PTPN1: variants seen among roughly 807,000 people sequenced by gnomAD.
The protein encoded by PTPN1 is protein tyrosine phosphatase non-receptor type 1, also known as tyrosine-protein phosphatase non-receptor type 1.
A neutral mutation model predicts 59.9 loss-of-function variants in PTPN1; 12 were observed. The ratio of observed to expected loss-of-function variants is 0.20; its 90% CI spans 0.13 to 0.32. PTPN1 has a LOEUF of 0.32. PTPN1 is among the 10% of genes least tolerant of loss of function. PTPN1 has a pLI of 1.00. For synonymous variants in PTPN1, 178 were observed against 203.6 expected (o/e 0.87, Z 1.07); for missense variants, 356 against 549.2 (o/e 0.65, Z 3.52).
In PTPN1 at chr20:50,583,265, G is replaced by A. The variant is rs1174221274; in HGVS notation, c.*550G>A. 1 of 155,106 alleles carries A rather than the reference G, an allele frequency of 6.4e-6. No homozygotes were observed. Among genetic ancestry groups the A allele is most frequent in the African/African-American group, 2.4e-5 (1 of 41,520 alleles). The allele number at this position is 155,106 out of a possible 1,614,324, so 9.6% of individuals were successfully genotyped here. ...CCTCAGGTAGTACTGGGAATGGAAGGCTTTGCCATGGGCCTGCTGCGTCAG... is the reference window on the plus strand; with the variant it reads ...CCTCAGGTAGTACTGGGAATGGAAGACTTTGCCATGGGCCTGCTGCGTCAG... On this transcript the variant is annotated 3_prime_UTR_variant, in exon 10 of 10. Coordinates refer to ENST00000371621, the MANE Select transcript of PTPN1 (RefSeq NM_002827.4).
chr20:50,578,026 TC>T (rs2082845691), intron 5 of PTPN1: 1 of 168,784 alleles, frequency 5.9e-6, no homozygotes, highest in South Asian at 1.5e-4. Context: ...CACCTGCTGT[TC>T]CTTGTTCACT....
At chr20:50,530,650 G>C (rs1013203141) in intron 1 of PTPN1, among the ~76,000 whole-genome samples, 1 of 150,296 alleles carries the variant, frequency 6.7e-6, no homozygotes, top group Non-Finnish European at 1.5e-5. Flanking sequence ...GGGATTACAA[G>C]TGCTGGGATT....
intron 1 of PTPN1, among the ~76,000 whole-genome samples, chr20:50,544,251 A>C (rs1236469628): frequency 6.6e-6 from 1 of 152,140 alleles, no homozygotes; most frequent in Non-Finnish European, 1.5e-5. Context: ...CTGGGCCTCA[A>C]GGGATCCTCC....
At position 50,585,069 on chromosome 20, in the gene PTPN1, G is replaced by A. The variant is rs2122816927; in HGVS notation, c.*2354G>A. Reference sequence around the variant, plus strand: ...TTACCAGTGTTGTTTGAAGAACAGTGTTTTGAGTTGTAATCTCAAAACCAT... The same window carrying A: ...TTACCAGTGTTGTTTGAAGAACAGTATTTTGAGTTGTAATCTCAAAACCAT... On this transcript the variant is annotated 3_prime_UTR_variant, in exon 10 of 10. Transcript: ENST00000371621. The A allele has an allele frequency of 6.6e-6, 1 of 152,254 alleles. No homozygotes were observed. The highest frequency in any genetic ancestry group is 1.9e-4 in the East Asian group (1 of 5,176). 9.4% of individuals were successfully genotyped at this position (152,254 alleles called of 1,614,324 possible).
At chr20:50,512,801 G>A (rs2082513114) in intron 1 of PTPN1, among the ~76,000 whole-genome samples, 1 of 152,172 alleles carries the variant, frequency 6.6e-6, no homozygotes, top group African/African-American at 2.4e-5. Context: ...TCCAAGGTGT[G>A]TATCGCTTTA....
At chr20:50,550,526 G>A (rs1315537231) in intron 1 of PTPN1, among the ~76,000 whole-genome samples, 1 of 152,218 alleles carries the variant, frequency 6.6e-6, no homozygotes, top group African/African-American at 2.4e-5. Flanking sequence ...TGTGATTTCA[G>A]TAATTTCCAT....
At chr20:50,559,404 G>A (rs1241065318) in intron 1 of PTPN1, among the ~76,000 whole-genome samples, 1 of 152,150 alleles carries the variant, frequency 6.6e-6, no homozygotes, top group Non-Finnish European at 1.5e-5. Flanking sequence ...CAGTGTTCTT[G>A]CAAAGTCTGA....
chr20:50,559,017 T>TA (rs1030854983), intron 1 of PTPN1, among the ~76,000 whole-genome samples: 10 of 150,942 alleles, frequency 6.6e-5, no homozygotes, highest in African/African-American at 2.4e-4. Flanking sequence ...ATTGAGACCT[T>TA]ACACGTCAGG....
At chr20:50,548,326 T>C (rs1390091575) in intron 1 of PTPN1, among the ~76,000 whole-genome samples, 1 of 152,232 alleles carries the variant, frequency 6.6e-6, no homozygotes, top group Non-Finnish European at 1.5e-5. Flanking sequence ...CACATCTCCT[T>C]GTTCTGGTTT....
At chr20:50,537,632 G>A (rs924769756) in intron 1 of PTPN1, among the ~76,000 whole-genome samples, 2 of 152,064 alleles carry the variant, frequency 1.3e-5, no homozygotes, top group African/African-American at 2.4e-5. Flanking sequence ...TCATATCTCC[G>A]TCATACCCTT....
chr20:50,560,613 CTT>C (rs762154823), intron 1 of PTPN1, among the ~76,000 whole-genome samples: 15 of 138,422 alleles, frequency 1.1e-4, no homozygotes, highest in Non-Finnish European at 1.1e-4. Context: ...ATGGGGCTGT[CTT>C]TTTTTTTTTT....
intron 1 of PTPN1, among the ~76,000 whole-genome samples, chr20:50,520,429 C>A (rs1470107105): frequency 6.6e-6 from 1 of 151,538 alleles, no homozygotes; most frequent in East Asian, 1.9e-4. Flanking sequence ...ACTTTTCCAG[C>A]AAGTAAATTA....
chr20:50,515,287 A>G (rs1383812722), intron 1 of PTPN1, among the ~76,000 whole-genome samples: 2 of 152,122 alleles, frequency 1.3e-5, no homozygotes, highest in Non-Finnish European at 2.9e-5. Context: ...ACCATTGCTG[A>G]GCACTTTGTT....
intron 1 of PTPN1, among the ~76,000 whole-genome samples, chr20:50,548,263 T>A (rs763852221): frequency 3.9e-4 from 60 of 152,194 alleles, no homozygotes; most frequent in Non-Finnish European, 6.3e-4. Context: ...TAAGGTTTTT[T>A]AAAAAATTTT....
intron 3 of PTPN1, among the ~76,000 whole-genome samples, chr20:50,567,489 A>G: frequency 6.6e-6 from 1 of 152,178 alleles, no homozygotes; most frequent in Non-Finnish European, 1.5e-5. Context: ...AACCATGAGA[A>G]GAAGTGATGC....
At chr20:50,539,647 T>C (rs946646333) in intron 1 of PTPN1, among the ~76,000 whole-genome samples, 1,530 of 133,958 alleles carry the variant, frequency 0.011, 12 homozygotes, top group African/African-American at 0.044. Flanking sequence ...TTTCTCTCTT[T>C]TTTTTTTTTT....
At position 50,511,860 on chromosome 20, in the gene PTPN1, A is replaced by G. The variant is rs149212951; in HGVS notation, c.63+1270A>G. On this transcript the variant is annotated intron_variant, in intron 1 of 9. Coordinates refer to ENST00000371621, the MANE Select transcript of PTPN1 (RefSeq NM_002827.4). ...GATTCTGTTTTCAGCTTATAGGCTC[A>G]AAAGGCAAATTGTGAGATCCATCAG... is the stretch of plus-strand genomic sequence containing the variant. Among the ~76,000 whole-genome samples, 73 of 152,368 alleles carry G rather than the reference A, an allele frequency of 4.8e-4. No homozygotes were observed. In the East Asian group the frequency reaches 0.012, roughly 24 times the overall value.
chr20:50,544,305 C>A (rs1393996706), intron 1 of PTPN1, among the ~76,000 whole-genome samples: 1 of 152,096 alleles, frequency 6.6e-6, no homozygotes, highest in Non-Finnish European at 1.5e-5. Flanking sequence ...CATGTACCAC[C>A]ACACCCAGCT....
chr20:50,516,585 A>G (rs976003105), intron 1 of PTPN1, among the ~76,000 whole-genome samples: 1 of 152,234 alleles, frequency 6.6e-6, no homozygotes, highest in African/African-American at 2.4e-5. Flanking sequence ...AAAAGTTTAT[A>G]GGAGCTTTGT....
Sources: allele counts gnomAD v4.1 joint callset (sites outside exome capture counted in the v4.1 genomes callset), GRCh38; gene constraint gnomAD v4.1.1; transcripts MANE v1.5; gene names NCBI Gene and HGNC (gene_info 2026-07-23, HGNC 2026-07-21).